The following NPRL3 variants were observed in gnomAD, a reference collection of about 807,000 sequenced individuals.
NPRL3 encodes the protein NPR3 like, GATOR1 complex subunit, also known as GATOR1 complex protein NPRL3.
In NPRL3, 23 loss-of-function variants were observed where a neutral mutation model predicts 57.2. The observed-to-expected ratio is 0.40, with a 90% CI of 0.29 to 0.57. The LOEUF is 0.57. Ranked by LOEUF, NPRL3 falls within the 20% of genes least tolerant of loss-of-function variation. NPRL3 has a pLI of 0.42. For synonymous variants in NPRL3, 333 were observed against 321.1 expected (o/e 1.04, Z -0.39); for missense variants, 691 against 767.1 (o/e 0.90, Z 1.17).
chr16:88,383 G>A (rs1219289714), intron 13 of NPRL3, among the ~76,000 whole-genome samples: 10 of 50,158 alleles, frequency 2.0e-4, no homozygotes, highest in African/African-American at 3.0e-4. Flanking sequence ...GCGAGACTCC[G>A]TCTCAAAAAA....
At chr16:138,373 A>C (rs1225461981) in intron 1 of NPRL3, 39 bp from the exon 2 acceptor site, 2 of 765,564 alleles carry the variant, frequency 2.6e-6, no homozygotes, top group African/African-American at 2.2e-5. Flanking sequence ...GGGCCTGAGG[A>C]GGACGAGGCG....
intron 7 of NPRL3, among the ~76,000 whole-genome samples, chr16:109,548 C>A (rs1320653318): frequency 6.6e-6 from 1 of 152,182 alleles, no homozygotes; most frequent in African/African-American, 2.4e-5. Context: ...GATTTAAAAA[C>A]ACTTTCGGAC....
Position 86,640 on chromosome 16 carries a change from C to T in NPRL3, c.*65G>A, listed in dbSNP as rs1898481789. On this transcript the variant is annotated 3_prime_UTR_variant, in exon 14 of 14. Transcript: ENST00000611875. ...GGCTCAGCCTCAGCACGGGGGGAGC[C>T]CTGGGGTGGGGAGACGCGAGCGCCC... is the stretch of plus-strand genomic sequence containing the variant. The T allele has an allele frequency of 2.0e-6, 3 of 1,469,452 alleles. No individual in the cohort carries two copies. Among genetic ancestry groups the T allele is most frequent in the Admixed American group, 4.1e-5 (2 of 48,636 alleles). 91.0% of individuals were successfully genotyped at this position (1,469,452 alleles called of 1,614,324 possible). A position where few individuals can be genotyped will look rare whatever the true frequency, so the allele number is the denominator to read the frequency against.
chr16:112,043 G>C (rs1398124759), intron 6 of NPRL3, among the ~76,000 whole-genome samples: 1 of 152,114 alleles, frequency 6.6e-6, no homozygotes, highest in African/African-American at 2.4e-5. Context: ...ACCCAATTAG[G>C]TCCTCCTTCA....
At chr16:119,645 C>T (rs1208555232) in intron 3 of NPRL3, among the ~76,000 whole-genome samples, 1 of 152,242 alleles carries the variant, frequency 6.6e-6, no homozygotes, top group East Asian at 1.9e-4. Flanking sequence ...CTCAGGTTTG[C>T]TGTGCTGCAC....
At chr16:116,787 A>AAAC (rs1900051157) in intron 5 of NPRL3, among the ~76,000 whole-genome samples, 1 of 85,938 alleles carries the variant, frequency 1.2e-5, no homozygotes. Flanking sequence ...ACATGGCGAG[A>AAAC]CCCCCCCCCC....
intron 9 of NPRL3, among the ~76,000 whole-genome samples, chr16:97,410 A>ATTTTTTTTTTTTTTTTT (rs34410203): frequency 8.7e-6 from 1 of 115,086 alleles, no homozygotes; most frequent in Non-Finnish European, 1.7e-5. Context: ...ACACCCAGCT[A>ATTTTTTTTTTTTTTTTT]TTTTTTTTTT....
chr16:98,776 A>G (rs1348386838), intron 8 of NPRL3, among the ~76,000 whole-genome samples: 1 of 152,160 alleles, frequency 6.6e-6, no homozygotes, highest in East Asian at 1.9e-4. Context: ...CATCTCTACT[A>G]AAAATAAAAA....
intron 2 of NPRL3, among the ~76,000 whole-genome samples, chr16:136,126 T>G (rs1258156136): frequency 6.6e-6 from 1 of 152,258 alleles, no homozygotes; most frequent in East Asian, 1.9e-4. Context: ...GATTTAATAT[T>G]ACAAGAATTC....
intron 7 of NPRL3, among the ~76,000 whole-genome samples, chr16:106,289 C>T (rs532508452): frequency 1.3e-5 from 2 of 151,082 alleles, no homozygotes; most frequent in African/African-American, 2.4e-5. Flanking sequence ...GCCTGGGTGA[C>T]GAAGCAAGAC....
At chr16:134,759 T>C (rs1418501464) in intron 2 of NPRL3, among the ~76,000 whole-genome samples, 4 of 140,146 alleles carry the variant, frequency 2.9e-5, no homozygotes, top group Admixed American at 1.6e-4. Context: ...TGGAGTGCAG[T>C]GGCGCGATCT....
chr16:92,532 A>G lies in NPRL3; in HGVS notation c.1161+64T>C. ...GGCTCTCAGATCAGAACCAACAGCCAGGCAGGTAGTGCCTATCCACTACAC... is the reference window on the plus strand; with the variant it reads ...GGCTCTCAGATCAGAACCAACAGCCGGGCAGGTAGTGCCTATCCACTACAC... On this transcript the variant is annotated intron_variant, in intron 11 of 13. Transcript: ENST00000611875. 3.2e-6 allele frequency: 5 copies of G among 1,568,248 alleles called. No homozygotes were observed. In the Middle Eastern group the frequency reaches 5.0e-4, roughly 157 times the overall value.
intron 9 of NPRL3, 65 bp downstream of exon 9, chr16:98,080 C>G (rs866111108): frequency 3.8e-5 from 59 of 1,556,516 alleles, no homozygotes; most frequent in East Asian, 1.6e-4. Context: ...CTGTGGCAGG[C>G]GGCCTGCCTT....
chr16:89,594 G>T, intron 12 of NPRL3, 119 bp downstream of exon 12: 1 of 930,106 alleles, frequency 1.1e-6, no homozygotes, highest in Non-Finnish European at 1.5e-6. Flanking sequence ...GCACGTGCAT[G>T]TGCGTGTGCA....
intron 4 of NPRL3, 56 bp downstream of exon 4, chr16:119,070 C>T: frequency 1.9e-6 from 3 of 1,605,358 alleles, no homozygotes; most frequent in South Asian, 2.2e-5. Flanking sequence ...CCACACCTGC[C>T]CAAGGAGAGC....
At chr16:133,278 T>C (rs1596542520) in intron 2 of NPRL3, among the ~76,000 whole-genome samples, 1 of 152,184 alleles carries the variant, frequency 6.6e-6, no homozygotes, top group Non-Finnish European at 1.5e-5. Context: ...CAGGCTGGAG[T>C]GCAATGTCGG....
At position 138,251 on chromosome 16, in the gene NPRL3, C is replaced by A; in HGVS notation, c.17G>T (p.Ser6Ile). 6.2e-7 allele frequency: 1 copy of A among 1,605,044 alleles called. No homozygotes were observed. The highest frequency in any genetic ancestry group is 8.5e-7 in the Non-Finnish European group (1 of 1,176,368). The change falls in exon 2 of 14, where the codon AGC becomes ATC. Residue 6 changes from serine (S) to isoleucine (I), a missense_variant. Ser to Ile is a moderately radical substitution (Grantham distance 142). Transcript: ENST00000611875. ...GCTCACCAGAATCACGCTGATGGGG[C>A]TGGTGTTGTCCCGCATCCCGCCGTG... MRDNT[S>I]PISVILVSSG...
chr16:94,057 AC>A (rs1381174853), intron 9 of NPRL3, among the ~76,000 whole-genome samples: 1 of 117,194 alleles, frequency 8.5e-6, no homozygotes, highest in Non-Finnish European at 1.7e-5. Context: ...GCCCTCTTAT[AC>A]CCCCTAAAAC....
rs1444974892 is a variant in NPRL3, at chr16:86,669, TG to T, written c.*35del. On this transcript the variant is annotated 3_prime_UTR_variant, in exon 14 of 14. Coordinates refer to ENST00000611875, the MANE Select transcript of NPRL3 (RefSeq NM_001077350.3). Reference sequence around the variant, plus strand: ...GGGTGGGGAGACGCGAGCGCCCACCTGCGCACCCCAGCAGCCTTCCGCCCTC... The same window carrying T: ...GGGTGGGGAGACGCGAGCGCCCACCTCGCACCCCAGCAGCCTTCCGCCCTC... The T allele has an allele frequency of 6.6e-7, 1 of 1,526,364 alleles. No homozygotes were observed. The highest frequency in any genetic ancestry group is 8.8e-7 in the Non-Finnish European group (1 of 1,133,348). The allele number at this position is 1,526,364 out of a possible 1,614,324, so 94.6% of individuals were successfully genotyped here. A position where few individuals can be genotyped will look rare whatever the true frequency, so the allele number is the denominator to read the frequency against.
Sources: allele counts gnomAD v4.1 joint callset (sites outside exome capture counted in the v4.1 genomes callset), GRCh38; gene constraint gnomAD v4.1.1; transcripts MANE v1.5; gene names NCBI Gene and HGNC (gene_info 2026-07-23, HGNC 2026-07-21).